CCDC171: variants seen among roughly 807,000 people sequenced by gnomAD.
CCDC171 encodes coiled-coil domain containing 171.
In CCDC171, 177 loss-of-function variants were observed where a neutral mutation model predicts 168.2. The observed-to-expected ratio is 1.05, with a 90% CI of 0.93 to 1.19. CCDC171 has a LOEUF of 1.19. CCDC171 is among the 50% of genes most tolerant of loss of function. The probability of loss-of-function intolerance (pLI) is 0.00; values close to 1 mark genes in which losing one functional copy is unlikely to be tolerated. For synonymous variants in CCDC171, 687 were observed against 540.8 expected (o/e 1.27, Z -3.75); for missense variants, 1,991 against 1,539.0 (o/e 1.29, Z -4.91).
At chr9:15,655,752 T>A (rs995026429) in intron 7 of CCDC171, among the ~76,000 whole-genome samples, 25 of 152,212 alleles carry the variant, frequency 1.6e-4, no homozygotes, top group African/African-American at 5.5e-4. Context: ...TGAAAATATT[T>A]GAACATATAC....
rs150815619 is a variant in CCDC171, at chr9:16,048,085, G to C, written n.89+5199G>C. 7.9e-5 allele frequency among the ~76,000 whole-genome samples: 12 copies of C among 152,304 alleles called. No individual in the cohort carries two copies. In the East Asian group the frequency reaches 2.3e-3, roughly 29 times the overall value. The stretch of plus-strand genomic sequence containing the variant: ...GGAAATGCACAGGCAGAGGAAGAAG[G>C]GTTTTGAGTCAAAGCACCAAGTGAC... On this transcript the variant is annotated intron_variant and non_coding_transcript_variant, in intron 1 of 1. Coordinates refer to the CCDC171 transcript ENST00000478913.
intron 16 of CCDC171, among the ~76,000 whole-genome samples, chr9:15,740,378 T>C (rs559514250): frequency 8.3e-6 from 1 of 120,278 alleles, no homozygotes; most frequent in African/African-American, 3.2e-5. Flanking sequence ...TTCTGTTCCA[T>C]TGGTCTTTTT....
intron 18 of CCDC171, among the ~76,000 whole-genome samples, chr9:15,752,166 CTGG>C (rs1414500892): frequency 6.6e-6 from 1 of 152,200 alleles, no homozygotes; most frequent in Non-Finnish European, 1.5e-5. Flanking sequence ...CTCATCATCA[CTGG>C]TCATCAGAGA....
At position 15,724,795 on chromosome 9, in the gene CCDC171, C is replaced by G; in HGVS notation, c.1511C>G (p.Ala504Gly). The G allele has an allele frequency of 1.9e-6, 3 of 1,613,198 alleles. No homozygotes were observed. Among genetic ancestry groups the G allele is most frequent in the Non-Finnish European group, 2.5e-6 (3 of 1,179,366 alleles). ...TGACAGGAACTTCAGGATAAACTGG[C>G]TGATGTTAATAAAGAGTTAAGTCAT... is the stretch of plus-strand genomic sequence containing the variant. ...KNIKELQDKL[A>G]DVNKELSHLH... Residue 504 changes from alanine (A) to glycine (G), a missense_variant, in exon 14 of 26, where the codon GCT becomes GGT. By Grantham distance (60) the Ala-to-Gly change is moderately conservative. Coordinates refer to ENST00000380701, the MANE Select transcript of CCDC171 (RefSeq NM_173550.4).
intron 18 of CCDC171, among the ~76,000 whole-genome samples, chr9:15,758,139 G>T (rs763090014): frequency 6.6e-6 from 1 of 152,148 alleles, no homozygotes; most frequent in African/African-American, 2.4e-5. Context: ...CTGACAGCTC[G>T]CACTGTTCAC....
At chr9:15,580,440 A>G (rs2041018128) in intron 4 of CCDC171, among the ~76,000 whole-genome samples, 2 of 152,246 alleles carry the variant, frequency 1.3e-5, no homozygotes, top group African/African-American at 4.8e-5. Flanking sequence ...TCAGCAGAGT[A>G]AACAGACAGC....
intron 18 of CCDC171, among the ~76,000 whole-genome samples, chr9:15,749,966 A>G (rs532332383): frequency 5.9e-5 from 9 of 152,088 alleles, no homozygotes; most frequent in Non-Finnish European, 8.8e-5. Flanking sequence ...AGAAATGACT[A>G]TGATCAGAGC....
At chr9:15,736,426 C>T (rs963209384) in intron 16 of CCDC171, among the ~76,000 whole-genome samples, 4 of 152,018 alleles carry the variant, frequency 2.6e-5, no homozygotes, top group African/African-American at 9.7e-5. Context: ...TCATAGCTCA[C>T]TGCAGCCTCA....
chr9:15,589,206 G>C (rs1399893415), intron 4 of CCDC171, among the ~76,000 whole-genome samples: 1 of 152,106 alleles, frequency 6.6e-6, no homozygotes, highest in East Asian at 1.9e-4. Context: ...AGCCACCTTG[G>C]CACAAACACC....
chr9:15,563,087 G>T (rs909264342), intron 1 of CCDC171, among the ~76,000 whole-genome samples: 1 of 150,830 alleles, frequency 6.6e-6, no homozygotes, highest in African/African-American at 2.4e-5. Context: ...GTGTCAGAGA[G>T]TTATGAATTG....
At chr9:15,653,139 T>G (rs2047656388) in intron 7 of CCDC171, among the ~76,000 whole-genome samples, 1 of 152,116 alleles carries the variant, frequency 6.6e-6, no homozygotes, top group South Asian at 2.1e-4. Flanking sequence ...ATTGTGAAAA[T>G]ATATACCTAT....
intron 6 of CCDC171, among the ~76,000 whole-genome samples, chr9:15,604,631 A>G (rs1267457290): frequency 6.6e-6 from 1 of 152,110 alleles, no homozygotes; most frequent in Non-Finnish European, 1.5e-5. Flanking sequence ...TCCATGAACT[A>G]TAGAAAGAGG....
chr9:16,035,807 C>T (rs1174264209), intron 7 of CCDC171, among the ~76,000 whole-genome samples: 1 of 152,160 alleles, frequency 6.6e-6, no homozygotes, highest in African/African-American at 2.4e-5. Context: ...CTATGTCAGT[C>T]ACTGGGCTAT....
At chr9:15,884,696 C>CCA (rs1819156395) in intron 24 of CCDC171, among the ~76,000 whole-genome samples, 1 of 152,122 alleles carries the variant, frequency 6.6e-6, no homozygotes, top group Admixed American at 6.5e-5. Flanking sequence ...CAGCACAGAG[C>CCA]CACTGTTCCC....
At chr9:15,634,761 C>G (rs979495971) in intron 7 of CCDC171, among the ~76,000 whole-genome samples, 4 of 152,160 alleles carry the variant, frequency 2.6e-5, no homozygotes, top group African/African-American at 4.8e-5. Context: ...GGAACATTTT[C>G]ATCACACAAT....
Position 15,745,539 on chromosome 9 carries a change from G to C in CCDC171, c.2579G>C (p.Cys860Ser), listed in dbSNP as rs1035826759. ...FPKHQKEQLR[C>S]LQALSWLTSS... ...GAACATCAAAAGGAGCAGTTGCGTT[G>C]TTTACAAGCGCTCAGTTGGCTCACC... Residue 860 changes from cysteine to serine, a missense_variant, in exon 18 of 26, where the codon TGT becomes TCT. Physicochemically the swap from Cys to Ser is moderately radical, Grantham distance 112. Transcript: ENST00000380701. The C allele has an allele frequency of 8.2e-6, 13 of 1,587,086 alleles. No homozygotes were observed. In the African/African-American group the frequency reaches 1.6e-4, roughly 20 times the overall value.
intron 25 of CCDC171, among the ~76,000 whole-genome samples, chr9:15,925,382 A>G (rs1825776167): frequency 6.6e-6 from 1 of 151,614 alleles, no homozygotes; most frequent in South Asian, 2.1e-4. Flanking sequence ...TGTGATGGAA[A>G]GAAGAAACTG....
intron 25 of CCDC171, among the ~76,000 whole-genome samples, chr9:15,942,565 G>A (rs1827851238): frequency 1.3e-5 from 2 of 151,864 alleles, no homozygotes; most frequent in South Asian, 4.1e-4. Flanking sequence ...CATACTACTG[G>A]AGTACAATAA....
chr9:16,012,153 G>GCC (rs1832886478), intron 3 of CCDC171, among the ~76,000 whole-genome samples: 1 of 152,170 alleles, frequency 6.6e-6, no homozygotes, highest in South Asian at 2.1e-4. Flanking sequence ...TGCTGCCCAA[G>GCC]GAGGGTTCTT....
Sources: gnomAD v4.1 joint callset for allele counts (sites outside exome capture counted in the v4.1 genomes callset) on GRCh38, gnomAD v4.1.1 for gene constraint, MANE v1.5 for transcripts, NCBI Gene and HGNC (gene_info 2026-07-23, HGNC 2026-07-21) for gene names.